SGCE: variants seen among roughly 807,000 people sequenced by gnomAD.
The protein encoded by SGCE is sarcoglycan epsilon, also known as epsilon-sarcoglycan.
SGCE carries 26 observed loss-of-function variants against 57.8 expected under a neutral mutation model. The ratio of observed to expected loss-of-function variants is 0.45; its 90% CI spans 0.33 to 0.62. SGCE has a LOEUF of 0.62. Among genes scored for constraint, SGCE ranks in the 20% least tolerant of loss-of-function variants. The pLI, the probability that SGCE is intolerant of heterozygous loss-of-function variation, is 0.02. For synonymous variants in SGCE, 183 were observed against 189.5 expected, an observed-to-expected ratio of 0.97 and a Z score of 0.28; for missense variants, 468 against 548.6, an observed-to-expected ratio of 0.85 and a Z score of 1.47.
At chr7:94,637,178 G>T (rs897394996) in intron 1 of SGCE, among the ~76,000 whole-genome samples, 3 of 152,016 alleles carry the variant, frequency 2.0e-5, no homozygotes, top group African/African-American at 7.2e-5. Context: ...GGGATTCATG[G>T]TCAAGAACAT....
At position 94,603,331 on chromosome 7, in the gene SGCE, A is replaced by T; in HGVS notation, c.784T>A (p.Phe262Ile). The change falls in exon 6 of 11, where the codon TTT (phenylalanine) becomes ATT (isoleucine). Residue 262 changes from phenylalanine to isoleucine, a missense_variant. Phe to Ile is a conservative substitution (Grantham distance 21). Coordinates refer to ENST00000648936, the MANE Select transcript of SGCE (RefSeq NM_003919.3). ...MEPVITCDKK[F>I]RTQFYIDWCK... ...CAGTCAATGTAAAATTGAGTACGAA[A>T]TTTTTTATCACATGTTATTACAGGC... The T allele has an allele frequency of 6.2e-7, 1 of 1,612,818 alleles. No homozygotes were observed. The highest frequency in any genetic ancestry group is 8.5e-7 in the Non-Finnish European group (1 of 1,179,290).
At chr7:94,637,324 G>A (rs1219606978) in intron 1 of SGCE, among the ~76,000 whole-genome samples, 1 of 152,074 alleles carries the variant, frequency 6.6e-6, no homozygotes, top group Non-Finnish European at 1.5e-5. Flanking sequence ...CCCTGTATAA[G>A]GTATCTTGAT....
intron 6 of SGCE, among the ~76,000 whole-genome samples, chr7:94,602,372 A>G (rs1799399520): frequency 6.6e-6 from 1 of 152,170 alleles, no homozygotes; most frequent in African/African-American, 2.4e-5. Flanking sequence ...AAGGAGTGCT[A>G]AGTGTTGCAA....
intron 1 of SGCE, among the ~76,000 whole-genome samples, chr7:94,640,500 T>G (rs956588161): frequency 6.6e-6 from 1 of 152,196 alleles, no homozygotes; most frequent in Non-Finnish European, 1.5e-5. Context: ...ACATGATAGA[T>G]TTGGGCACCA....
chr7:94,653,078 A>G (rs1375120024), intron 1 of SGCE, among the ~76,000 whole-genome samples: 4 of 152,214 alleles, frequency 2.6e-5, no homozygotes, highest in East Asian at 1.9e-4. Context: ...TACAATTACT[A>G]TTTTACAAGT....
chr7:94,598,485 C>A, intron 9 of SGCE: 2 of 337,738 alleles, frequency 5.9e-6, no homozygotes, highest in Non-Finnish European at 5.5e-6. Flanking sequence ...TTATAATTAA[C>A]TCATCTTTGA....
At chr7:94,599,223 G>A (rs1346211155) in intron 8 of SGCE, 3 of 362,498 alleles carry the variant, frequency 8.3e-6, no homozygotes, top group Non-Finnish European at 1.5e-5. Context: ...TAATATTACT[G>A]TCCTAAGTAA....
chr7:94,628,524 T>A, intron 2 of SGCE, 165 bp from the exon 3 acceptor site: 1 of 577,718 alleles, frequency 1.7e-6, no homozygotes, highest in Non-Finnish European at 3.1e-6. Context: ...GGCACCACGT[T>A]AAAAAAAATC....
chr7:94,633,434 G>A (rs1389451685), intron 1 of SGCE, among the ~76,000 whole-genome samples: 1 of 151,980 alleles, frequency 6.6e-6, no homozygotes, highest in Non-Finnish European at 1.5e-5. Context: ...CAAGTAGCTG[G>A]GATCATTATC....
At chr7:94,641,716 A>G (rs765733212) in intron 1 of SGCE, among the ~76,000 whole-genome samples, 2 of 152,146 alleles carry the variant, frequency 1.3e-5, no homozygotes, top group African/African-American at 4.8e-5. Context: ...TTTCAGTAAA[A>G]ATCTGAACTT....
intron 5 of SGCE, among the ~76,000 whole-genome samples, chr7:94,604,803 TG>T (rs1799797855): frequency 1.8e-5 from 1 of 54,588 alleles, no homozygotes; most frequent in African/African-American, 7.0e-5. Context: ...CTAATGGTGC[TG>T]GAATATATAT....
chr7:94,598,900 C>T lies in SGCE; in HGVS notation c.1128G>A (p.Lys376=), dbSNP rs766764410. The part of the protein sequence containing the change: ...KSTKELRDMS[K]NREIAWPLST... ...ACAGGGGCCATGCTATCTCTCTATTCTTGGACATGTCTCGAAGCTCCTTGG... is the reference window on the plus strand; with the variant it reads ...ACAGGGGCCATGCTATCTCTCTATTTTTGGACATGTCTCGAAGCTCCTTGG... Residue 376 remains lysine, a synonymous_variant, in exon 9 of 11, where the codon AAG becomes AAA. Transcript: ENST00000648936. 1 of 1,613,820 alleles carries T rather than the reference C, an allele frequency of 6.2e-7. No individual in the cohort carries two copies. Among genetic ancestry groups the T allele is most frequent in the Admixed American group, 1.7e-5 (1 of 60,014 alleles).
intron 1 of SGCE, among the ~76,000 whole-genome samples, chr7:94,638,428 T>A (rs1805906657): frequency 2.0e-5 from 3 of 152,118 alleles, no homozygotes; most frequent in African/African-American, 7.2e-5. Flanking sequence ...ATGAAGAAAA[T>A]GAAGTAAGCC....
rs1439721324 is a variant in SGCE at position 94,637,081 on chromosome 7, C to A, written c.110-7240G>T. Among the ~76,000 whole-genome samples the A allele has an allele frequency of 2.6e-4, 39 of 150,432 alleles. 1 individual carries two copies. The highest frequency in any genetic ancestry group is 2.3e-3 in the Admixed American group (35 of 15,116). ...TCTCAAAAAAAAAAAAAAAGCTACA[C>A]AAAACATATATTTGTCAAATTTATT... On this transcript the variant is annotated intron_variant, in intron 1 of 10. Coordinates refer to ENST00000648936, the MANE Select transcript of SGCE (RefSeq NM_003919.3).
intron 1 of SGCE, among the ~76,000 whole-genome samples, chr7:94,630,348 T>C (rs977442375): frequency 1.8e-4 from 28 of 151,978 alleles, no homozygotes; most frequent in African/African-American, 6.5e-4. Flanking sequence ...ATACATGTAA[T>C]GCGGTTTTTA....
chr7:94,613,643 A>G (rs921017070), intron 5 of SGCE, among the ~76,000 whole-genome samples: 3 of 152,228 alleles, frequency 2.0e-5, no homozygotes, highest in Non-Finnish European at 4.4e-5. Context: ...GTGAAGAAAC[A>G]AGTAATGGTA....
chr7:94,633,319 G>T (rs1805022040), intron 1 of SGCE, among the ~76,000 whole-genome samples: 1 of 152,076 alleles, frequency 6.6e-6, no homozygotes, highest in African/African-American at 2.4e-5. Flanking sequence ...AGCATAGCTA[G>T]ATTTACAAAG....
intron 9 of SGCE, among the ~76,000 whole-genome samples, chr7:94,595,043 A>G (rs1020739249): frequency 2.6e-5 from 4 of 152,118 alleles, no homozygotes; most frequent in Non-Finnish European, 5.9e-5. Context: ...CCCTGCCTAG[A>G]TATCAGGATA....
Position 94,648,054 on chromosome 7 carries a change from T to A in SGCE, c.109+7936A>T, listed in dbSNP as rs182839683. On this transcript the variant is annotated intron_variant, in intron 1 of 10. Transcript: ENST00000648936. ...ATCCAGCATGGGGTCTCAAAACTAG[T>A]CAACACTCAAAAAAATGAATGAATA... Among the ~76,000 whole-genome samples, 464 of 151,958 alleles carry A rather than the reference T, an allele frequency of 3.1e-3. 4 individuals are homozygous for A. Among genetic ancestry groups the A allele is most frequent in the African/African-American group, 0.01 (420 of 41,456 alleles).
Sources: allele counts gnomAD v4.1 joint callset (sites outside exome capture counted in the v4.1 genomes callset), GRCh38; gene constraint gnomAD v4.1.1; transcripts MANE v1.5; gene names NCBI Gene and HGNC (gene_info 2026-07-23, HGNC 2026-07-21).